Variants in AKT2 observed in about 807,000 individuals in gnomAD.
AKT2 encodes the protein RAC-beta serine/threonine-protein kinase.
AKT2 carries 16 observed loss-of-function variants against 58.6 expected under a neutral mutation model. That is an observed-to-expected ratio of 0.27 (90% CI 0.18 to 0.41). The LOEUF (loss-of-function observed/expected upper bound fraction) is 0.41. AKT2 is among the 10% of genes least tolerant of loss of function. AKT2 has a pLI of 1.00. For missense variants in AKT2, 438 were observed against 661.0 expected (o/e 0.66, Z 3.70); for synonymous variants, 253 against 254.0 (o/e 1.00, Z 0.04).
chr19:40,272,648 T>C (rs2077236108), intron 1 of AKT2, among the ~76,000 whole-genome samples: 1 of 152,216 alleles, frequency 6.6e-6, no homozygotes, highest in Admixed American at 6.5e-5. Flanking sequence ...ACCTATCGCA[T>C]TCTTTTCAGA....
chr19:40,254,245 A>G (rs1455242690), intron 4 of AKT2, among the ~76,000 whole-genome samples: 1 of 152,218 alleles, frequency 6.6e-6, no homozygotes, highest in Admixed American at 6.5e-5. Flanking sequence ...TTAAGAATGT[A>G]GGTCCTGCCG....
At chr19:40,247,187 G>T (rs574344148) in intron 4 of AKT2, among the ~76,000 whole-genome samples, 1 of 152,300 alleles carries the variant, frequency 6.6e-6, no homozygotes, top group East Asian at 1.9e-4. Flanking sequence ...CTTCTCAAGG[G>T]TTTGCAACAT....
chr19:40,284,963 C>A (rs536211405), intron 1 of AKT2: 400 of 359,006 alleles, frequency 1.1e-3, no homozygotes, highest in African/African-American at 7.4e-3. Context: ...GCGCTCCCCC[C>A]ACCGCCTCAG....
In AKT2 at chr19:40,230,725, T is replaced by TA. The variant is rs1034290358; in HGVS notation, c.*3146_*3147insT. 2 of 207,038 alleles carry TA rather than the reference T, an allele frequency of 9.7e-6. No individual in the cohort carries two copies. Among genetic ancestry groups the TA allele is most frequent in the African/African-American group, 4.6e-5 (2 of 43,796 alleles). The allele number at this position is 207,038 out of a possible 1,614,324, so 12.8% of individuals were successfully genotyped here. ...TAATAGCATGTATCATGTTTTTTTT[T>TA]TTTTTATTTTTAGAGACACAGTCTC... is the stretch of plus-strand genomic sequence containing the variant. On this transcript the variant is annotated 3_prime_UTR_variant, in exon 14 of 14. Transcript: ENST00000392038.
intron 4 of AKT2, among the ~76,000 whole-genome samples, chr19:40,244,689 CAAATCCCAGTGATTTAA>C (rs1471826090): frequency 8.5e-5 from 13 of 152,186 alleles, no homozygotes; most frequent in Admixed American, 7.9e-4. Flanking sequence ...TGTAATCACG[CAAATCCCAGTGATTTAA>C]ATAAGCCACA....
chr19:40,242,703 C>T lies in AKT2; in HGVS notation c.288-16G>A, dbSNP rs767716338. 16 of 1,608,894 alleles carry T rather than the reference C, an allele frequency of 9.9e-6. 1 individual carries two copies. Among genetic ancestry groups the T allele is most frequent in the Admixed American group, 5.0e-5 (3 of 60,012 alleles). The stretch of plus-strand genomic sequence containing the variant: ...CCACTCCTCCCTGTGCAGGGACACA[C>T]GTGAGTCCCAGCAGCCAGGAGTCCT... On this transcript the variant is annotated splice_polypyrimidine_tract_variant and intron_variant, in intron 4 of 13. Transcript: ENST00000392038. The surrounding 1 kb of genome is among the most constrained non-coding windows in gnomAD (Gnocchi z 4.3).
At chr19:40,258,143 G>C (rs2145314815) in intron 2 of AKT2, among the ~76,000 whole-genome samples, 1 of 151,536 alleles carries the variant, frequency 6.6e-6, no homozygotes, top group Non-Finnish European at 1.5e-5. Context: ...TACTTGGGAG[G>C]CTGAGGCAGG....
intron 1 of AKT2, chr19:40,270,752 C>A (rs1350091101): frequency 6.6e-6 from 1 of 152,244 alleles, no homozygotes; most frequent in Non-Finnish European, 1.5e-5. Flanking sequence ...GTGGCTCACG[C>A]GTGTAATCCC....
intron 2 of AKT2, among the ~76,000 whole-genome samples, chr19:40,258,532 T>C (rs1975716409): frequency 6.6e-6 from 1 of 151,930 alleles, no homozygotes; most frequent in South Asian, 2.1e-4. Context: ...CAGGAGTCGT[T>C]GCGTGTGCCT....
intron 2 of AKT2, among the ~76,000 whole-genome samples, chr19:40,259,973 T>A (rs190196001): frequency 1.5e-4 from 23 of 151,972 alleles, no homozygotes; most frequent in Admixed American, 1.4e-3. Flanking sequence ...GCCAACATGA[T>A]CAAACCCCAT....
Position 40,234,966 on chromosome 19 carries a change from T to C in AKT2, c.1366+79A>G, listed in dbSNP as rs2145156273. 7.5e-7 allele frequency: 1 copy of C among 1,325,108 alleles called. No individual in the cohort carries two copies. The highest frequency in any genetic ancestry group is 1.1e-6 in the Non-Finnish European group (1 of 921,576). 82.1% of individuals were successfully genotyped at this position (1,325,108 alleles called of 1,614,324 possible). On this transcript the variant is annotated intron_variant, in intron 13 of 13. Transcript: ENST00000392038. The surrounding 1 kb of genome is among the most constrained non-coding windows in gnomAD (Gnocchi z 4.7). ...AAGCGGGGGCCTTCGAGGGCCCTCCTTGAGAAGTGAGTTAAGAGCAGATCC... is the reference window on the plus strand; with the variant it reads ...AAGCGGGGGCCTTCGAGGGCCCTCCCTGAGAAGTGAGTTAAGAGCAGATCC...
chr19:40,247,732 T>C (rs908775364), intron 4 of AKT2, among the ~76,000 whole-genome samples: 2 of 152,164 alleles, frequency 1.3e-5, no homozygotes, highest in African/African-American at 4.8e-5. Context: ...CTGTGCGTTA[T>C]GGTGGAGGAC....
chr19:40,242,217 T>C lies in AKT2; in HGVS notation c.442-148A>G. 24 of 1,224,946 alleles carry C rather than the reference T, an allele frequency of 2.0e-5. No homozygotes were observed. Among genetic ancestry groups the C allele is most frequent in the Non-Finnish European group, 2.7e-5 (23 of 860,766 alleles). 75.9% of individuals were successfully genotyped at this position (1,224,946 alleles called of 1,614,324 possible). ...GAAGGGAGGCTCTGGGCAGCAACTGTGTGTTCTGAAGCGGCCTTCAGACCA... is the reference window on the plus strand; with the variant it reads ...GAAGGGAGGCTCTGGGCAGCAACTGCGTGTTCTGAAGCGGCCTTCAGACCA... On this transcript the variant is annotated intron_variant, in intron 5 of 13. Coordinates refer to ENST00000392038, the MANE Select transcript of AKT2 (RefSeq NM_001626.6). This position sits in a 1 kb window ranked among gnomAD's most constrained non-coding sequence, Gnocchi z 4.3.
intron 1 of AKT2, chr19:40,270,613 T>C (rs1240200593): frequency 6.6e-6 from 1 of 152,110 alleles, no homozygotes; most frequent in African/African-American, 2.4e-5. Flanking sequence ...CTGCGGAGGC[T>C]CATTGGGGAG....
intron 4 of AKT2, among the ~76,000 whole-genome samples, chr19:40,245,379 A>G (rs929074433): frequency 6.6e-6 from 1 of 152,192 alleles, no homozygotes; most frequent in Non-Finnish European, 1.5e-5. Context: ...CCTTTATAAA[A>G]AATTTCAAAA....
chr19:40,278,046 C>CA (rs2077358503), intron 1 of AKT2, among the ~76,000 whole-genome samples: 1 of 152,174 alleles, frequency 6.6e-6, no homozygotes, highest in Admixed American at 6.5e-5. Context: ...GAAGCAGCCA[C>CA]ACCCCACATC....
intron 9 of AKT2, chr19:40,236,873 GA>G (rs902729296): frequency 8.9e-4 from 162 of 182,584 alleles, no homozygotes; most frequent in Middle Eastern, 2.5e-3. Flanking sequence ...TTCTTAATAT[GA>G]AAAAAAAAAT....
intron 2 of AKT2, among the ~76,000 whole-genome samples, chr19:40,261,718 C>T (rs1348406578): frequency 3.3e-5 from 5 of 151,956 alleles, no homozygotes. Flanking sequence ...GTTATAGCAG[C>T]ACAGAATGAA....
rs1250366915 is a variant in AKT2 at position 40,237,292 on chromosome 19, T to C, written c.831+677A>G. The C allele has an allele frequency of 6.5e-6, 1 of 154,076 alleles. No homozygotes were observed. The highest frequency in any genetic ancestry group is 1.4e-5 in the Non-Finnish European group (1 of 69,372). 9.5% of individuals were successfully genotyped at this position (154,076 alleles called of 1,614,324 possible). A position where few individuals can be genotyped will look rare whatever the true frequency, so the allele number is the denominator to read the frequency against. ...TAAGGTGAGTGTGTGTCCCCACTTC[T>C]CCTGTGCACACAGCTAGGGCAGATG... On this transcript the variant is annotated intron_variant, in intron 9 of 13. Coordinates refer to ENST00000392038, the MANE Select transcript of AKT2 (RefSeq NM_001626.6). This position sits in a 1 kb window ranked among gnomAD's most constrained non-coding sequence, Gnocchi z 4.5.
Sources: gnomAD v4.1 joint callset for allele counts (sites outside exome capture counted in the v4.1 genomes callset) on GRCh38, gnomAD v4.1.1 for gene constraint, Gnocchi (gnomAD v3.1) non-coding constraint, MANE v1.5 for transcripts, NCBI Gene and HGNC (gene_info 2026-07-23, HGNC 2026-07-21) for gene names.